The following GABRG3 variants were observed in gnomAD, a reference collection of about 807,000 sequenced individuals.
GABRG3 encodes gamma-aminobutyric acid receptor subunit gamma-3.
GABRG3 carries 25 observed loss-of-function variants against 48.8 expected under a neutral mutation model. That is an observed-to-expected ratio of 0.51 (90% CI 0.37 to 0.72). The LOEUF is 0.72. Ranked by LOEUF, GABRG3 falls within the 30% of genes least tolerant of loss-of-function variation. The pLI is 0.00. For synonymous variants in GABRG3, 227 were observed against 217.6 expected (o/e 1.04, Z -0.38); for missense variants, 394 against 577.9 (o/e 0.68, Z 3.26).
At chr15:27,226,859 T>C (rs535658721) in intron 3 of GABRG3, among the ~76,000 whole-genome samples, 1 of 152,190 alleles carries the variant, frequency 6.6e-6, no homozygotes, top group African/African-American at 2.4e-5. Flanking sequence ...CTGGAACAAA[T>C]GAGGCCTAGA....
rs572531890 is a variant in GABRG3 at position 27,400,021 on chromosome 15, T to G, written c.574+71133T>G. Among the ~76,000 whole-genome samples the G allele has an allele frequency of 5.9e-5, 9 of 152,346 alleles. No individual in the cohort carries two copies. In the South Asian group the frequency reaches 1.5e-3, roughly 25 times the overall value. On this transcript the variant is annotated intron_variant, in intron 5 of 9. Coordinates refer to ENST00000615808, the MANE Select transcript of GABRG3 (RefSeq NM_033223.5). ...GCTGCATGCTCATTTTATTTTAGTTTTTATTCTCTATTTTCAAGGCTACAC... is the reference window on the plus strand; with the variant it reads ...GCTGCATGCTCATTTTATTTTAGTTGTTATTCTCTATTTTCAAGGCTACAC...
intron 6 of GABRG3, among the ~76,000 whole-genome samples, chr15:27,491,770 A>G (rs1890360991): frequency 6.6e-6 from 1 of 152,222 alleles, no homozygotes. Flanking sequence ...ACCGACAAAC[A>G]AAAAGGAGTC....
At chr15:27,260,397 T>TG (rs1353909556) in intron 3 of GABRG3, among the ~76,000 whole-genome samples, 15 of 152,174 alleles carry the variant, frequency 9.9e-5, no homozygotes, top group Middle Eastern at 3.2e-3. Flanking sequence ...CACAGTCACA[T>TG]GGGGGCATAG....
intron 3 of GABRG3, among the ~76,000 whole-genome samples, chr15:27,243,854 T>A (rs980998607): frequency 1.3e-5 from 2 of 152,248 alleles, no homozygotes; most frequent in African/African-American, 4.8e-5. Context: ...AAATGGAAGT[T>A]TTTTTCAACT....
chr15:27,437,595 T>C (rs1425495493), intron 5 of GABRG3, among the ~76,000 whole-genome samples: 1 of 152,196 alleles, frequency 6.6e-6, no homozygotes, highest in Non-Finnish European at 1.5e-5. Context: ...AAACTAGACA[T>C]GCATTGGAGA....
intron 2 of GABRG3, among the ~76,000 whole-genome samples, chr15:26,989,441 A>T (rs543010730): frequency 6.6e-6 from 1 of 152,262 alleles, no homozygotes; most frequent in South Asian, 2.1e-4. Context: ...GTAAGAGTGG[A>T]ATTGCTGGAT....
At chr15:27,224,588 G>A (rs1052159778) in intron 3 of GABRG3, among the ~76,000 whole-genome samples, 5 of 152,158 alleles carry the variant, frequency 3.3e-5, no homozygotes, top group Admixed American at 1.3e-4. Context: ...ACCTGAATGC[G>A]AGTGGACTGG....
chr15:27,038,708 C>G (rs1401032161), intron 3 of GABRG3, among the ~76,000 whole-genome samples: 1 of 152,202 alleles, frequency 6.6e-6, no homozygotes, highest in African/African-American at 2.4e-5. Context: ...GGGAACCATG[C>G]AGTGTGGCCT....
intron 3 of GABRG3, among the ~76,000 whole-genome samples, chr15:27,044,175 G>A (rs541379604): frequency 1.3e-5 from 2 of 152,308 alleles, no homozygotes; most frequent in South Asian, 4.1e-4. Flanking sequence ...ACATCACTAG[G>A]CCCAGCCCTC....
intron 3 of GABRG3, among the ~76,000 whole-genome samples, chr15:27,037,849 C>T (rs1241664866): frequency 6.6e-6 from 1 of 152,124 alleles, no homozygotes; most frequent in East Asian, 1.9e-4. Flanking sequence ...TTTAAAGTGA[C>T]AGTGTTTGTC....
chr15:27,167,338 T>C (rs1477175525), intron 3 of GABRG3, among the ~76,000 whole-genome samples: 1 of 152,202 alleles, frequency 6.6e-6, no homozygotes, highest in East Asian at 1.9e-4. Context: ...CCTGGACTTA[T>C]CTGCTGTAGC....
intron 3 of GABRG3, among the ~76,000 whole-genome samples, chr15:27,322,521 G>T (rs1185587515): frequency 6.6e-6 from 1 of 152,154 alleles, no homozygotes; most frequent in African/African-American, 2.4e-5. Context: ...GTAAGATAGA[G>T]AAATGAGAAA....
chr15:27,054,518 C>T (rs1180898398), intron 3 of GABRG3, among the ~76,000 whole-genome samples: 1 of 152,152 alleles, frequency 6.6e-6, no homozygotes, highest in African/African-American at 2.4e-5. Flanking sequence ...GCCAAAGTCA[C>T]GTTTTTCAGA....
intron 3 of GABRG3, among the ~76,000 whole-genome samples, chr15:27,240,602 A>G (rs193249873): frequency 1.3e-5 from 2 of 152,352 alleles, no homozygotes; most frequent in East Asian, 3.9e-4. Flanking sequence ...TAATGTTAAA[A>G]TATAACAGGG....
At chr15:27,191,746 G>A (rs147551090) in intron 3 of GABRG3, among the ~76,000 whole-genome samples, 1 of 151,920 alleles carries the variant, frequency 6.6e-6, no homozygotes, top group Non-Finnish European at 1.5e-5. Context: ...ATATTGTTAT[G>A]TATGAATTTG....
At chr15:27,005,419 T>C (rs1895565621) in intron 2 of GABRG3, among the ~76,000 whole-genome samples, 1 of 152,116 alleles carries the variant, frequency 6.6e-6, no homozygotes, top group African/African-American at 2.4e-5. Flanking sequence ...AGCATTTCAT[T>C]TTTTTCTTTA....
At chr15:27,487,839 G>A (rs984496127) in intron 6 of GABRG3, among the ~76,000 whole-genome samples, 4 of 152,098 alleles carry the variant, frequency 2.6e-5, no homozygotes, top group East Asian at 1.9e-4. Context: ...CTGGAATATC[G>A]CCATGCTGAA....
chr15:27,159,230 C>A (rs1357154784), intron 3 of GABRG3, among the ~76,000 whole-genome samples: 7 of 151,898 alleles, frequency 4.6e-5, no homozygotes, highest in Non-Finnish European at 1.0e-4. Context: ...GCCTATAATC[C>A]CAGCACTTTG....
rs569250980 is a variant in GABRG3 at position 27,046,260 on chromosome 15, A to ATT, written c.270+19454_270+19455dup. Among the ~76,000 whole-genome samples the ATT allele has an allele frequency of 3.2e-3, 458 of 141,468 alleles. 5 individuals carry two copies. The highest frequency in any genetic ancestry group is 0.011 in the African/African-American group (413 of 39,276). The allele number at this position is 141,468 out of a possible 152,430, so 92.8% of individuals were successfully genotyped here. On this transcript the variant is annotated intron_variant, in intron 3 of 9. Transcript: ENST00000615808. ...AGGCATGCACCACCATACCTGGCTA[A>ATT]TTTTTTTTTTTTTTTTGTATTTTTA...
Sources: gnomAD v4.1 joint callset for allele counts (sites outside exome capture counted in the v4.1 genomes callset) on GRCh38, gnomAD v4.1.1 for gene constraint, MANE v1.5 for transcripts, NCBI Gene and HGNC (gene_info 2026-07-23, HGNC 2026-07-21) for gene names.